The following DOC2B variants were observed in gnomAD, a reference collection of about 807,000 sequenced individuals.
DOC2B encodes double C2-like domain-containing protein beta.
In DOC2B, 21 loss-of-function variants were observed where a neutral mutation model predicts 28.9. That is an observed-to-expected ratio of 0.73 (90% CI 0.52 to 1.05). The LOEUF (loss-of-function observed/expected upper bound fraction) is 1.05, where lower values mean the gene tolerates loss of function less well. DOC2B is among the 50% of genes least tolerant of loss of function. The pLI is 0.00. For synonymous variants in DOC2B, 194 were observed against 178.1 expected, an observed-to-expected ratio of 1.09 and a Z score of -0.71; for missense variants, 384 against 421.1, an observed-to-expected ratio of 0.91 and a Z score of 0.77.
chr17:147,604 G>A, intron 8 of DOC2B, 27 bp from the exon 9 acceptor site: 1 of 398,822 alleles, frequency 2.5e-6, no homozygotes, highest in Non-Finnish European at 4.4e-6. Flanking sequence ...GGGGCAGCTG[G>A]GGCACAGGGA....
intron 2 of DOC2B, among the ~76,000 whole-genome samples, chr17:170,276 G>C (rs987724557): frequency 2.3e-4 from 35 of 152,204 alleles, no homozygotes; most frequent in Non-Finnish European, 5.9e-5. Flanking sequence ...AGCATGGGTG[G>C]TTCTAGAGAG....
intron 3 of DOC2B, among the ~76,000 whole-genome samples, chr17:162,537 T>C (rs2040217308): frequency 1.3e-5 from 2 of 152,322 alleles, no homozygotes; most frequent in Non-Finnish European, 1.5e-5. Flanking sequence ...GCCGATGGCC[T>C]CTAGAAGCTG....
At chr17:158,302 C>T (rs1187428329) in intron 5 of DOC2B, among the ~76,000 whole-genome samples, 1 of 152,042 alleles carries the variant, frequency 6.6e-6, no homozygotes, top group Non-Finnish European at 1.5e-5. Context: ...CACCCACACA[C>T]GCCCAGCTTG....
intron 5 of DOC2B, 147 bp downstream of exon 5, chr17:161,268 C>G (rs556669507): frequency 8.4e-5 from 71 of 845,408 alleles, no homozygotes; most frequent in Non-Finnish European, 1.3e-4. Context: ...CTCACCTCCA[C>G]CCCCTTGACT....
chr17:148,257 C>T lies in DOC2B; in HGVS notation c.1018G>A (p.Glu340Lys), dbSNP rs2040036497. 5.0e-6 allele frequency: 2 copies of T among 398,532 alleles called. No homozygotes were observed. The highest frequency in any genetic ancestry group is 2.1e-5 in the African/African-American group (1 of 48,612). The allele number at this position is 398,532 out of a possible 1,614,324, so 24.7% of individuals were successfully genotyped here. ...NPEFNEEFCY[E>K]IKHGDLAKKS... ...TTGGCCAGGTCCCCATGCTTGATCT[C>T]GTAACAGAACTCCTGCTGGCAAGAA... The change falls in exon 8 of 9, where the codon GAG (glutamate) becomes AAG (lysine). Residue 340 changes from glutamate (E) to lysine (K), a missense_variant. Physicochemically the swap from Glu to Lys is moderately conservative, Grantham distance 56. Coordinates refer to ENST00000613549, the MANE Select transcript of DOC2B (RefSeq NM_003585.5).
chr17:174,037 G>A (rs2040341757), intron 1 of DOC2B, among the ~76,000 whole-genome samples: 2 of 152,200 alleles, frequency 1.3e-5, no homozygotes, highest in East Asian at 1.9e-4. Flanking sequence ...ATCTCTGGGC[G>A]AGTGCTGGGC....
Position 173,562 on chromosome 17 carries a change from T to C in DOC2B, c.374-946A>G, listed in dbSNP as rs150555424. The stretch of plus-strand genomic sequence containing the variant: ...GGACATCTGTGAGGCAGAGTCCCTA[T>C]CCCAAGGAAAGCACAGCTTAAGGGG... On this transcript the variant is annotated intron_variant, in intron 1 of 8. Coordinates refer to ENST00000613549, the MANE Select transcript of DOC2B (RefSeq NM_003585.5). Among the ~76,000 whole-genome samples, 245 of 152,194 alleles carry C rather than the reference T, an allele frequency of 1.6e-3. 1 individual carries two copies. The highest frequency in any genetic ancestry group is 5.7e-3 in the African/African-American group (236 of 41,514).
chr17:170,473 G>T (rs2151472411), intron 2 of DOC2B, among the ~76,000 whole-genome samples: 1 of 152,240 alleles, frequency 6.6e-6, no homozygotes, highest in East Asian at 1.9e-4. Context: ...AGCCCTTGCT[G>T]CCAGGCTGGG....
Position 147,385 on chromosome 17 carries a change from C to T in DOC2B, c.*56G>A, listed in dbSNP as rs958421588. 769 of 398,726 alleles carry T rather than the reference C, an allele frequency of 1.9e-3. 2 individuals are homozygous for T. Among genetic ancestry groups the T allele is most frequent in the Admixed American group, 3.2e-3 (72 of 22,730 alleles). The allele number at this position is 398,726 out of a possible 1,614,324, so 24.7% of individuals were successfully genotyped here. On this transcript the variant is annotated 3_prime_UTR_variant, in exon 9 of 9. Transcript: ENST00000613549. Reference sequence around the variant, plus strand: ...GGCCTTGGTGGCTGCTGGGGAAGCCCGGGGCCGGCCGTGCTGGGCGCAGGT... The same window carrying T: ...GGCCTTGGTGGCTGCTGGGGAAGCCTGGGGCCGGCCGTGCTGGGCGCAGGT...
At chr17:176,958 A>G (rs2040376861) in intron 1 of DOC2B, among the ~76,000 whole-genome samples, 1 of 151,608 alleles carries the variant, frequency 6.6e-6, no homozygotes, top group Non-Finnish European at 1.5e-5. Flanking sequence ...TGTAGACCTG[A>G]CAGCATCATC....
At chr17:176,409 G>A (rs1430107658) in intron 1 of DOC2B, among the ~76,000 whole-genome samples, 1 of 151,826 alleles carries the variant, frequency 6.6e-6, no homozygotes, top group Non-Finnish European at 1.5e-5. Context: ...GTGCGGGGGG[G>A]TAGGTCTCAC....
In DOC2B at chr17:165,974, GTA is replaced by G. The variant is rs1405331042; in HGVS notation, c.454-1772_454-1771del. Among the ~76,000 whole-genome samples the G allele has an allele frequency of 4.6e-5, 7 of 152,308 alleles. No homozygotes were observed. The East Asian group carries it at 1.4e-3, about 29-fold the overall frequency. On this transcript the variant is annotated intron_variant, in intron 2 of 8. Coordinates refer to ENST00000613549, the MANE Select transcript of DOC2B (RefSeq NM_003585.5). Reference sequence around the variant, plus strand: ...CCTTTGGGCCACCACATGTTCTGGCGTATGTCTTTCCAGTGGCTCTGGTGGTC... The same window carrying G: ...CCTTTGGGCCACCACATGTTCTGGCGTGTCTTTCCAGTGGCTCTGGTGGTC...
At position 181,558 on chromosome 17, in the gene DOC2B, G is replaced by A. The variant is rs1481552790; in HGVS notation, c.-79C>T. The A allele has an allele frequency of 2.1e-5, 16 of 746,154 alleles. No homozygotes were observed. Among genetic ancestry groups the A allele is most frequent in the Non-Finnish European group, 2.6e-5 (16 of 614,620 alleles). 46.2% of individuals were successfully genotyped at this position (746,154 alleles called of 1,614,324 possible). A position where few individuals can be genotyped will look rare whatever the true frequency, so the allele number is the denominator to read the frequency against. On this transcript the variant is annotated 5_prime_UTR_variant, in exon 1 of 9. Transcript: ENST00000613549. The surrounding 1 kb of genome is among the most constrained non-coding windows in gnomAD (Gnocchi z 7.0). ...CGGGGGCGGCTCAGCAGGCCCGGCG[G>A]GGCGCGGCGGGGGCTGCGGGCATCG...
At chr17:166,685 C>G (rs113823896) in intron 2 of DOC2B, among the ~76,000 whole-genome samples, 208 of 151,668 alleles carry the variant, frequency 1.4e-3, no homozygotes, top group Middle Eastern at 3.4e-3. Flanking sequence ...CACGAGATCT[C>G]ATGGTCTGAC....
At chr17:168,822 C>A (rs2040278370) in intron 2 of DOC2B, among the ~76,000 whole-genome samples, 1 of 152,226 alleles carries the variant, frequency 6.6e-6, no homozygotes, top group Non-Finnish European at 1.5e-5. Context: ...GTGAGAAGTG[C>A]CTTTCACTTT....
At chr17:161,677 A>G in intron 4 of DOC2B, 136 bp from the exon 5 acceptor site, 1 of 1,424,996 alleles carries the variant, frequency 7.0e-7, no homozygotes, top group South Asian at 1.4e-5. Context: ...GACGCACAAG[A>G]TGCCTGGGCC....
chr17:180,336 C>T (rs2040425066), intron 1 of DOC2B, among the ~76,000 whole-genome samples: 6 of 152,146 alleles, frequency 3.9e-5, no homozygotes, highest in South Asian at 4.1e-4. Context: ...GGGCCTCGGT[C>T]CCGGGACTCC....
intron 1 of DOC2B, among the ~76,000 whole-genome samples, chr17:174,235 C>G (rs997752862): frequency 6.6e-6 from 1 of 152,226 alleles, no homozygotes; most frequent in African/African-American, 2.4e-5. Flanking sequence ...CCTCTGACAT[C>G]AGTCTCCTCG....
At chr17:160,897 C>T (rs369742830) in intron 5 of DOC2B, among the ~76,000 whole-genome samples, 10 of 152,132 alleles carry the variant, frequency 6.6e-5, no homozygotes, top group African/African-American at 1.9e-4. Context: ...CTAACATGTT[C>T]CAAGCGTGCT....
Sources: gnomAD v4.1 joint callset for allele counts (sites outside exome capture counted in the v4.1 genomes callset) on GRCh38, gnomAD v4.1.1 for gene constraint, Gnocchi (gnomAD v3.1) non-coding constraint, MANE v1.5 for transcripts, NCBI Gene and HGNC (gene_info 2026-07-23, HGNC 2026-07-21) for gene names.